The following FNDC3B variants were observed in gnomAD, a reference collection of about 807,000 sequenced individuals.
FNDC3B encodes fibronectin type III domain-containing protein 3B.
Under a neutral mutation model 151.5 loss-of-function variants are expected in FNDC3B, and 12 were observed. The observed-to-expected ratio is 0.08, with a 90% CI of 0.05 to 0.13. The LOEUF (loss-of-function observed/expected upper bound fraction) is 0.13. FNDC3B is among the 10% of genes least tolerant of loss of function. The probability of loss-of-function intolerance (pLI) is 1.00; values close to 1 mark genes in which losing one functional copy is unlikely to be tolerated. For missense variants in FNDC3B, 1,214 were observed against 1,505.3 expected (o/e 0.81, Z 3.20); for synonymous variants, 528 against 549.0 (o/e 0.96, Z 0.54).
chr3:172,153,086 T>C (rs1428199975), intron 3 of FNDC3B, among the ~76,000 whole-genome samples: 2 of 151,948 alleles, frequency 1.3e-5, no homozygotes, highest in African/African-American at 4.8e-5. Context: ...ACCGCTGAGA[T>C]TGGTTGATGG....
chr3:172,058,752 T>G (rs1347457836), intron 1 of FNDC3B, among the ~76,000 whole-genome samples: 1 of 152,174 alleles, frequency 6.6e-6, no homozygotes, highest in African/African-American at 2.4e-5. Flanking sequence ...GAGTAAATCA[T>G]CTCATTTTAA....
Position 172,285,929 on chromosome 3 carries a change from A to G in FNDC3B, c.794A>G (p.Tyr265Cys), listed in dbSNP as rs2108825771. The G allele has an allele frequency of 6.2e-7, 1 of 1,612,514 alleles. No individual in the cohort carries two copies. ...PKSNDSDLQE[Y>C]ELEVKRVQDI... ...TTTTTTCTTTTTCGCAATGCAGAATATGAGTTGGAAGTAAAGAGGGTGCAA... is the reference window on the plus strand; with the variant it reads ...TTTTTTCTTTTTCGCAATGCAGAATGTGAGTTGGAAGTAAAGAGGGTGCAA... Residue 265 changes from tyrosine (Y) to cysteine (C), a missense_variant, in exon 7 of 26, where the codon TAT becomes TGT. Coordinates refer to ENST00000415807, the MANE Select transcript of FNDC3B (RefSeq NM_022763.4).
At chr3:172,317,299 T>C (rs1731848230) in intron 11 of FNDC3B, 2 of 331,492 alleles carry the variant, frequency 6.0e-6, no homozygotes, top group Admixed American at 7.8e-5. Context: ...TTCTCCTGCC[T>C]CAGCCTCCCG....
chr3:172,389,738 C>T (rs1000711158), intron 25 of FNDC3B, among the ~76,000 whole-genome samples: 4 of 151,490 alleles, frequency 2.6e-5, no homozygotes, highest in Admixed American at 1.3e-4. Flanking sequence ...TAGTGGCGGG[C>T]GCCTGTTGTC....
chr3:172,271,364 C>T (rs1335572059), intron 6 of FNDC3B, among the ~76,000 whole-genome samples: 1 of 152,026 alleles, frequency 6.6e-6, no homozygotes, highest in African/African-American at 2.4e-5. Flanking sequence ...CTATTGATTT[C>T]CTACATAGTT....
intron 4 of FNDC3B, among the ~76,000 whole-genome samples, chr3:172,228,568 T>A (rs1560028333): frequency 6.6e-6 from 1 of 152,172 alleles, no homozygotes; most frequent in East Asian, 1.9e-4. Context: ...TTGGATATAG[T>A]TCGGATTCTG....
intron 23 of FNDC3B, among the ~76,000 whole-genome samples, chr3:172,376,949 CTG>C (rs1178337468): frequency 2.0e-5 from 3 of 152,150 alleles, no homozygotes; most frequent in Non-Finnish European, 2.9e-5. Flanking sequence ...TCCAGAGGGA[CTG>C]TGCTCCAGCA....
At position 172,068,120 on chromosome 3, in the gene FNDC3B, G is replaced by T. The variant is rs1184091547; in HGVS notation, c.-29+28349G>T. On this transcript the variant is annotated intron_variant, in intron 1 of 25. Transcript: ENST00000415807. ...GTAGCCCCTGCTGCTCTTTTCAGGG[G>T]ATTCTATTTTGTCTTATACACTTTT... 2.0e-5 allele frequency among the ~76,000 whole-genome samples: 3 copies of T among 152,112 alleles called. No homozygotes were observed. The East Asian group carries it at 5.8e-4, about 29-fold the overall frequency.
rs146170076 is a variant in FNDC3B, at chr3:172,241,062, A to G, written c.265-6471A>G. Among the ~76,000 whole-genome samples, 215 of 152,274 alleles carry G rather than the reference A, an allele frequency of 1.4e-3. 1 individual carries two copies. The highest frequency in any genetic ancestry group is 4.9e-3 in the African/African-American group (205 of 41,566). On this transcript the variant is annotated intron_variant, in intron 4 of 25. Transcript: ENST00000415807. ...AGAATCAGCCTGGCTTCTATTAGCC[A>G]TCAGGCCAGATTTCTTCATTAGCCT...
intron 7 of FNDC3B, among the ~76,000 whole-genome samples, chr3:172,293,183 G>T (rs1730430384): frequency 6.6e-6 from 1 of 152,168 alleles, no homozygotes; most frequent in Non-Finnish European, 1.5e-5. Context: ...AGTAAACAAA[G>T]GCAGCATTTG....
chr3:172,117,300 G>T (rs1292698588), intron 2 of FNDC3B, among the ~76,000 whole-genome samples: 1 of 152,086 alleles, frequency 6.6e-6, no homozygotes, highest in Non-Finnish European at 1.5e-5. Flanking sequence ...TTTTTAATGT[G>T]TGGCTATTAT....
intron 21 of FNDC3B, among the ~76,000 whole-genome samples, chr3:172,351,763 G>C (rs1023411125): frequency 2.6e-5 from 4 of 152,154 alleles, no homozygotes; most frequent in Non-Finnish European, 5.9e-5. Context: ...GAGGAAGAAA[G>C]GTGTCCAGAG....
chr3:172,186,923 T>C (rs1046827134), intron 3 of FNDC3B: 1 of 534,864 alleles, frequency 1.9e-6, no homozygotes, highest in Non-Finnish European at 3.3e-6. Context: ...CCATCAACAA[T>C]GTGATTCAAT....
chr3:172,120,878 C>T (rs865978860), intron 2 of FNDC3B, among the ~76,000 whole-genome samples: 7 of 151,968 alleles, frequency 4.6e-5, no homozygotes, highest in South Asian at 4.2e-4. Flanking sequence ...GCAGGAGAAT[C>T]GCTTGAACCC....
intron 4 of FNDC3B, among the ~76,000 whole-genome samples, chr3:172,235,345 G>C (rs990125637): frequency 6.6e-6 from 1 of 152,188 alleles, no homozygotes; most frequent in Non-Finnish European, 1.5e-5. Context: ...CAAAATTTCA[G>C]TTGGATGTTA....
chr3:172,190,067 GGCCT>G (rs1223119999), intron 3 of FNDC3B, among the ~76,000 whole-genome samples: 1 of 152,072 alleles, frequency 6.6e-6, no homozygotes, highest in African/African-American at 2.4e-5. Context: ...TAACCCAGGC[GGCCT>G]GCTTTCAGAT....
chr3:172,072,791 C>T (rs1300288709), intron 1 of FNDC3B, among the ~76,000 whole-genome samples: 3 of 152,134 alleles, frequency 2.0e-5, no homozygotes, highest in Non-Finnish European at 4.4e-5. Flanking sequence ...GACAGAGCTC[C>T]CATCTATGAA....
At chr3:172,096,661 G>GC (rs11409477) in intron 1 of FNDC3B, among the ~76,000 whole-genome samples, 88,021 of 151,878 alleles carry the variant, frequency 0.58, 25,549 homozygotes, top group Admixed American at 0.62. Context: ...ATAATCTGTA[G>GC]CCCCTTACTG....
intron 4 of FNDC3B, among the ~76,000 whole-genome samples, chr3:172,241,976 G>C (rs1395440636): frequency 6.6e-6 from 1 of 152,234 alleles, no homozygotes; most frequent in Admixed American, 6.5e-5. Context: ...TGAGGGTACA[G>C]GCATTGGGTA....
Sources: allele counts gnomAD v4.1 joint callset (sites outside exome capture counted in the v4.1 genomes callset), GRCh38; gene constraint gnomAD v4.1.1; transcripts MANE v1.5; gene names NCBI Gene and HGNC (gene_info 2026-07-23, HGNC 2026-07-21).